The following PDE4D variants were observed in gnomAD, a reference collection of about 807,000 sequenced individuals.
PDE4D encodes phosphodiesterase 4D.
A neutral mutation model predicts 87.4 loss-of-function variants in PDE4D; 24 were observed. The observed-to-expected ratio is 0.27, with a 90% CI of 0.20 to 0.39. The LOEUF (loss-of-function observed/expected upper bound fraction) is 0.39, where lower values mean the gene tolerates loss of function less well. Ranked by LOEUF, PDE4D falls within the 10% of genes least tolerant of loss-of-function variation. PDE4D has a pLI of 1.00. For synonymous variants in PDE4D, 384 were observed against 383.2 expected (o/e 1.00, Z -0.02); for missense variants, 714 against 1,041.0 (o/e 0.69, Z 4.32).
chr5:59,342,046 C>T (rs1228163164), intron 1 of PDE4D, among the ~76,000 whole-genome samples: 1 of 152,106 alleles, frequency 6.6e-6, no homozygotes, highest in Non-Finnish European at 1.5e-5. Flanking sequence ...AGTGGAAGAG[C>T]CATGATTTGA....
At chr5:59,404,732 T>C (rs757143663) in intron 1 of PDE4D, among the ~76,000 whole-genome samples, 2 of 152,044 alleles carry the variant, frequency 1.3e-5, no homozygotes, top group African/African-American at 2.4e-5. Flanking sequence ...TTTCTTTCAA[T>C]AGTTTTATAG....
At chr5:60,222,033 C>T (rs1044997816) in intron 1 of PDE4D, among the ~76,000 whole-genome samples, 3 of 152,074 alleles carry the variant, frequency 2.0e-5, no homozygotes, top group Non-Finnish European at 2.9e-5. Context: ...ATAGCCACAC[C>T]CTTCTCCCCG....
At chr5:59,752,902 G>C (rs1760688171) in intron 1 of PDE4D, among the ~76,000 whole-genome samples, 1 of 152,180 alleles carries the variant, frequency 6.6e-6, no homozygotes, top group African/African-American at 2.4e-5. Context: ...TTAAAGGTGT[G>C]AACTTTATCC....
At chr5:59,476,591 A>G (rs959729171) in intron 1 of PDE4D, among the ~76,000 whole-genome samples, 4 of 152,090 alleles carry the variant, frequency 2.6e-5, no homozygotes, top group African/African-American at 7.2e-5. Context: ...GCAGTTTTAC[A>G]TAAGCCTTAG....
chr5:59,661,098 T>TATATATATA (rs1554055015), intron 1 of PDE4D, among the ~76,000 whole-genome samples: 1 of 101,132 alleles, frequency 9.9e-6, no homozygotes, highest in African/African-American at 4.2e-5. Flanking sequence ...ATATATATAT[T>TATATATATA]TTGTCATCTA....
intron 1 of PDE4D, among the ~76,000 whole-genome samples, chr5:59,318,146 G>A (rs749675021): frequency 1.3e-5 from 2 of 152,136 alleles, no homozygotes; most frequent in East Asian, 1.9e-4. Context: ...CATAATACAC[G>A]TTTTAGTATA....
chr5:59,332,891 A>T (rs40122), intron 1 of PDE4D, among the ~76,000 whole-genome samples: 45,189 of 152,016 alleles, frequency 0.3, 7,476 homozygotes, highest in Non-Finnish European at 0.37. Context: ...TGCAGTAGCC[A>T]TTTGCCATCA....
intron 6 of PDE4D, among the ~76,000 whole-genome samples, chr5:59,032,217 T>C (rs1015279475): frequency 7.2e-5 from 11 of 152,174 alleles, no homozygotes; most frequent in African/African-American, 2.7e-4. Flanking sequence ...CAATTAATAT[T>C]TGTCAATTAA....
chr5:59,124,237 T>G (rs1775033895), intron 5 of PDE4D, among the ~76,000 whole-genome samples: 1 of 152,114 alleles, frequency 6.6e-6, no homozygotes, highest in Non-Finnish European at 1.5e-5. Flanking sequence ...ATTCAGGGGT[T>G]TTATTTGACA....
At chr5:59,496,638 G>C (rs183558106) in intron 1 of PDE4D, among the ~76,000 whole-genome samples, 1 of 152,128 alleles carries the variant, frequency 6.6e-6, no homozygotes, top group African/African-American at 2.4e-5. Context: ...GGGGGATGTA[G>C]CCGGCTAAAG....
At chr5:59,733,890 C>A (rs961413433) in intron 1 of PDE4D, among the ~76,000 whole-genome samples, 14 of 152,032 alleles carry the variant, frequency 9.2e-5, no homozygotes, top group African/African-American at 3.4e-4. Context: ...TTATTGACAA[C>A]CACTTCTTGT....
At chr5:59,536,879 T>A (rs1815370232) in intron 1 of PDE4D, among the ~76,000 whole-genome samples, 6 of 152,228 alleles carry the variant, frequency 3.9e-5, no homozygotes, top group Non-Finnish European at 8.8e-5. Flanking sequence ...GAAATAAGAC[T>A]TCAGTTTTAA....
chr5:59,531,837 C>T (rs1814289734), intron 1 of PDE4D, among the ~76,000 whole-genome samples: 1 of 152,150 alleles, frequency 6.6e-6, no homozygotes, highest in South Asian at 2.1e-4. Flanking sequence ...ATCAAATCTG[C>T]AAAATCTTTT....
chr5:59,586,937 G>A lies in PDE4D; in HGVS notation c.455+306231C>T, dbSNP rs1469932581. 8 of 985,340 alleles carry A rather than the reference G, an allele frequency of 8.1e-6. No homozygotes were observed. In the South Asian group the frequency reaches 1.4e-4, roughly 17 times the overall value. 61.0% of individuals were successfully genotyped at this position (985,340 alleles called of 1,614,324 possible). On this transcript the variant is annotated intron_variant, in intron 1 of 14. Coordinates refer to ENST00000340635, the MANE Select transcript of PDE4D (RefSeq NM_001104631.2). ...TTAACGCAGTGCTACCGTCTGAGACGTGTCGGACAAAGGCCTGGGCAGAGG... is the reference window on the plus strand; with the variant it reads ...TTAACGCAGTGCTACCGTCTGAGACATGTCGGACAAAGGCCTGGGCAGAGG...
At chr5:60,438,297 G>A (rs16878084) in intron 1 of PDE4D, among the ~76,000 whole-genome samples, 2,815 of 152,184 alleles carry the variant, frequency 0.018, 70 homozygotes, top group African/African-American at 0.065. Context: ...GCAGGGAGAA[G>A]TACTTGGAAA....
chr5:60,459,004 G>A lies in PDE4D; in HGVS notation c.-90+28938C>T, dbSNP rs745410604. Among the ~76,000 whole-genome samples the A allele has an allele frequency of 4.0e-4, 58 of 143,448 alleles. 1 individual carries two copies. Among genetic ancestry groups the A allele is most frequent in the Admixed American group, 9.5e-4 (14 of 14,698 alleles). The allele number at this position is 143,448 out of a possible 152,430, so 94.1% of individuals were successfully genotyped here. ...TTGTGTGTGTGTGTGTGTGTGTGTT[G>A]TGTGTGTGTGTATGTGTATACATTT... is the stretch of plus-strand genomic sequence containing the variant. On this transcript the variant is annotated intron_variant, in intron 1 of 16. Coordinates refer to the PDE4D transcript ENST00000502484.
chr5:59,788,574 C>T (rs1178221350), intron 1 of PDE4D, among the ~76,000 whole-genome samples: 1 of 152,206 alleles, frequency 6.6e-6, no homozygotes. Context: ...GTGATAGCTG[C>T]TTGACTCCCT....
At chr5:59,667,840 G>C (rs1011101196) in intron 1 of PDE4D, among the ~76,000 whole-genome samples, 4 of 152,164 alleles carry the variant, frequency 2.6e-5, no homozygotes, top group Admixed American at 2.0e-4. Flanking sequence ...AACCATTCAA[G>C]ATGGATCTTC....
At position 58,977,332 on chromosome 5, in the gene PDE4D, G is replaced by A. The variant is rs1744046124; in HGVS notation, c.1566C>T (p.Ala522=). The change falls in exon 12 of 15, where the codon GCC becomes GCT. Residue 522 remains alanine (A), a synonymous_variant. Transcript: ENST00000340635. ...QFLINTNSEL[A]LMYNDSSVLE... is the part of the protein sequence containing the mutation. ...AGACTGAGGAATCATTGTACATCAA[G>A]GCAAGTTCAGAGTCTGTAAAAAAGA... 6.2e-7 allele frequency: 1 copy of A among 1,609,714 alleles called. No homozygotes were observed. Among genetic ancestry groups the A allele is most frequent in the Non-Finnish European group, 8.5e-7 (1 of 1,178,798 alleles).
Sources: allele counts gnomAD v4.1 joint callset (sites outside exome capture counted in the v4.1 genomes callset), GRCh38; gene constraint gnomAD v4.1.1; transcripts MANE v1.5; gene names NCBI Gene and HGNC (gene_info 2026-07-23, HGNC 2026-07-21).